MUC22: variants seen among roughly 807,000 people sequenced by gnomAD.
The protein encoded by MUC22 is mucin 22.
A neutral mutation model predicts 40.3 loss-of-function variants in MUC22; 24 were observed. The observed-to-expected ratio is 0.60, with a 90% CI of 0.43 to 0.84. MUC22 has a LOEUF of 0.84. MUC22 is among the 40% of genes least tolerant of loss of function. The pLI, the probability that MUC22 is intolerant of heterozygous loss-of-function variation, is 0.00. For synonymous variants in MUC22, 765 were observed against 844.5 expected (o/e 0.91, Z 1.63); for missense variants, 1,926 against 2,130.7 (o/e 0.90, Z 1.89).
At chr6:31,025,503 C>A in exon 2 of MUC22, 1 of 1,492,986 alleles carries the variant, frequency 6.7e-7, no homozygotes. Context: ...CCACCTCAGG[C>A]TCTGAGAATA....
At chr6:31,026,739 C>T (rs1299977748) in exon 2 of MUC22, 5 of 1,505,736 alleles carry the variant, frequency 3.3e-6, no homozygotes, top group African/African-American at 2.8e-5. Flanking sequence ...GCTCGGAAAC[C>T]ATCACACCCT....
intron 1 of MUC22, among the ~76,000 whole-genome samples, chr6:31,024,902 C>T: frequency 6.9e-6 from 1 of 145,312 alleles, no homozygotes. Flanking sequence ...TGGAGTTTTG[C>T]CCTTGTTGGC....
rs769198178 is a variant in MUC22, at chr6:31,030,012, AG to A, written c.4582del (p.Ala1528ProfsTer64). The A allele has an allele frequency of 6.5e-7, 1 of 1,535,794 alleles. No individual in the cohort carries two copies. The highest frequency in any genetic ancestry group is 1.2e-5 in the South Asian group (1 of 84,064). Reference sequence around the variant, plus strand: ...CTATCACAGCTTCTGGGGCCACTGCAGCCTCCACCACTGTCTCTTCCACCAC... The same window carrying A: ...CTATCACAGCTTCTGGGGCCACTGCACCTCCACCACTGTCTCTTCCACCAC... On this transcript the variant is annotated frameshift_variant, in exon 2 of 4. Coordinates refer to ENST00000561890, the Ensembl canonical transcript of MUC22. LOFTEE classifies it high-confidence loss of function.
upstream of MUC22, among the ~76,000 whole-genome samples, chr6:31,010,311 G>A (rs1433934000): frequency 3.3e-5 from 5 of 151,958 alleles, no homozygotes; most frequent in Admixed American, 6.6e-5. Flanking sequence ...TGGTCTTGCC[G>A]ACTCTGCTCT....
chr6:31,021,090 C>A (rs1297825095), intron 1 of MUC22, among the ~76,000 whole-genome samples: 1 of 152,256 alleles, frequency 6.6e-6, no homozygotes, highest in Non-Finnish European at 1.5e-5. Flanking sequence ...CGACCGCCCA[C>A]GGGCTGAGGA....
exon 2 of MUC22, chr6:31,028,274 C>G: frequency 6.5e-7 from 1 of 1,535,016 alleles, no homozygotes; most frequent in Non-Finnish European, 8.7e-7. Context: ...ACTACAGTCT[C>G]CATCACAGGC....
upstream of MUC22, among the ~76,000 whole-genome samples, chr6:31,010,314 T>C (rs1050644148): frequency 3.3e-5 from 5 of 152,114 alleles, no homozygotes; most frequent in African/African-American, 1.2e-4. Context: ...TCTTGCCGAC[T>C]CTGCTCTCTC....
intron 3 of MUC22, among the ~76,000 whole-genome samples, chr6:31,033,188 A>AAGGT (rs1316454500): frequency 6.6e-6 from 1 of 151,920 alleles, no homozygotes; most frequent in African/African-American, 2.4e-5. Context: ...AAAGAAAAGA[A>AAGGT]AGGTAGGAAG....
exon 2 of MUC22, chr6:31,028,683 C>A: frequency 6.5e-7 from 1 of 1,532,902 alleles, no homozygotes; most frequent in Non-Finnish European, 8.7e-7. Context: ...GCTCTGAGAC[C>A]ATCCCAGCCT....
exon 2 of MUC22, chr6:31,028,085 C>T: frequency 1.3e-6 from 2 of 1,534,596 alleles, no homozygotes; most frequent in Non-Finnish European, 1.7e-6. Context: ...AGCTCTGAGA[C>T]CACCACAGCC....
At chr6:31,007,741 CTG>C (rs1763606130), upstream of MUC22, among the ~76,000 whole-genome samples, 1 of 152,200 alleles carries the variant, frequency 6.6e-6, no homozygotes, top group Admixed American at 6.5e-5. The surrounding 1 kb of genome is among the most constrained non-coding windows in gnomAD (Gnocchi z 4.0). Context: ...ATTCCCTACT[CTG>C]TGCGAAACTA....
intron 1 of MUC22, among the ~76,000 whole-genome samples, chr6:31,021,271 T>G (rs1030198917): frequency 6.6e-6 from 1 of 152,174 alleles, no homozygotes; most frequent in African/African-American, 2.4e-5. Flanking sequence ...AGCTCAGGAT[T>G]TGTGAGTACA....
intron 1 of MUC22, among the ~76,000 whole-genome samples, chr6:31,020,217 G>A (rs1489831247): frequency 1.3e-5 from 2 of 151,748 alleles, no homozygotes; most frequent in East Asian, 1.9e-4. Context: ...GAATGAGCTA[G>A]AAAAGACACA....
chr6:31,018,640 T>C (rs981909442), intron 1 of MUC22, among the ~76,000 whole-genome samples: 1 of 152,294 alleles, frequency 6.6e-6, no homozygotes, highest in African/African-American at 2.4e-5. Context: ...TATATACTTA[T>C]TCTTTTATTC....
chr6:31,016,146 T>C (rs9257012), intron 1 of MUC22, among the ~76,000 whole-genome samples: 38,123 of 142,496 alleles, frequency 0.27, 5,176 homozygotes, highest in African/African-American at 0.35. Context: ...TTTTTTTTTT[T>C]GTGGGTGCTA....
rs1006697951 is a variant in MUC22 at position 31,011,316 on chromosome 6, C to A, written c.70+540C>A. 8.5e-5 allele frequency among the ~76,000 whole-genome samples: 13 copies of A among 152,048 alleles called. No individual in the cohort carries two copies. Among genetic ancestry groups the A allele is most frequent in the African/African-American group, 2.9e-4 (12 of 41,374 alleles). On this transcript the variant is annotated intron_variant, in intron 1 of 3. Coordinates refer to ENST00000561890, the Ensembl canonical transcript of MUC22. This position sits in a 1 kb window ranked among gnomAD's most constrained non-coding sequence, Gnocchi z 4.5. ...ACCAAGCAGTGTACACCGCACCCAC[C>A]CTATCTGTAGTCTTTTATCTCTCGT...
chr6:31,017,190 C>T (rs922746974), intron 1 of MUC22, among the ~76,000 whole-genome samples: 12 of 152,348 alleles, frequency 7.9e-5, no homozygotes, highest in Middle Eastern at 3.4e-3. Context: ...TACTGGCGCA[C>T]GGCGTGGGAC....
intron 1 of MUC22, among the ~76,000 whole-genome samples, chr6:31,015,265 C>T (rs760913373): frequency 4.6e-5 from 7 of 152,062 alleles, no homozygotes; most frequent in Non-Finnish European, 8.8e-5. Context: ...AATTGGCTAG[C>T]CCTGGAAGGT....
At chr6:31,009,124 T>G (rs940778204), upstream of MUC22, among the ~76,000 whole-genome samples, 3 of 152,248 alleles carry the variant, frequency 2.0e-5, no homozygotes, top group Non-Finnish European at 2.9e-5. Context: ...TTTGTACCCT[T>G]GACTGTTGTT....
Sources: gnomAD v4.1 joint callset for allele counts (sites outside exome capture counted in the v4.1 genomes callset) on GRCh38, gnomAD v4.1.1 for gene constraint, Gnocchi (gnomAD v3.1) non-coding constraint, MANE v1.5 for transcripts, NCBI Gene and HGNC (gene_info 2026-07-23, HGNC 2026-07-21) for gene names.